Variants in STAC observed in about 807,000 individuals in gnomAD.
The protein encoded by STAC is SH3 and cysteine rich domain.
STAC carries 43 observed loss-of-function variants against 48.8 expected under a neutral mutation model. The ratio of observed to expected loss-of-function variants is 0.88; its 90% CI spans 0.69 to 1.14. The LOEUF (loss-of-function observed/expected upper bound fraction) is 1.14. Among genes scored for constraint, STAC ranks in the 50% most tolerant of loss-of-function variants. The pLI, the probability that STAC is intolerant of heterozygous loss-of-function variation, is 0.00. For synonymous variants in STAC, 193 were observed against 179.5 expected, an observed-to-expected ratio of 1.07 and a Z score of -0.60; for missense variants, 497 against 504.0, an observed-to-expected ratio of 0.99 and a Z score of 0.13.
At chr3:36,392,259 T>C (rs759044688) in intron 1 of STAC, among the ~76,000 whole-genome samples, 5 of 152,200 alleles carry the variant, frequency 3.3e-5, no homozygotes, top group Non-Finnish European at 5.9e-5. Context: ...CTCTCTAGAA[T>C]TCACTTTTTA....
intron 1 of STAC, among the ~76,000 whole-genome samples, chr3:36,438,724 C>T (rs530236372): frequency 7.4e-4 from 112 of 152,268 alleles, no homozygotes; most frequent in Non-Finnish European, 1.4e-3. Context: ...CATACTTGAA[C>T]ATCATACATA....
In STAC at chr3:36,380,708, C is replaced by T. The variant is rs141572890; in HGVS notation, c.65C>T (p.Ala22Val). ...VDGLPKEAVG[A>V]EQPPSPASTS... ...GGGCTGCCCAAGGAGGCGGTGGGCG[C>T]CGAGCAACCGCCCTCTCCTGCATCC... The change falls in exon 1 of 11, where the codon GCC becomes GTC. Residue 22 changes from alanine to valine, a missense_variant. By Grantham distance (64) the Ala-to-Val change is moderately conservative. Coordinates refer to ENST00000273183, the MANE Select transcript of STAC (RefSeq NM_003149.3). 1 of 1,611,680 alleles carries T rather than the reference C, an allele frequency of 6.2e-7. No homozygotes were observed. The highest frequency in any genetic ancestry group is 8.5e-7 in the Non-Finnish European group (1 of 1,179,272).
In STAC at chr3:36,547,345, G is replaced by C. The variant is rs779580206; in HGVS notation, c.*1056G>C. On this transcript the variant is annotated 3_prime_UTR_variant, in exon 11 of 11. Coordinates refer to ENST00000273183, the MANE Select transcript of STAC (RefSeq NM_003149.3). ...TCCATTCTTCTTTAGGGCAGTATAT[G>C]AAATCCTAGCAGATGTAAAATGGAA... 1.3e-5 allele frequency: 2 copies of C among 152,610 alleles called. No homozygotes were observed. Among genetic ancestry groups the C allele is most frequent in the South Asian group, 4.1e-4 (2 of 4,838 alleles). The allele number at this position is 152,610 out of a possible 1,614,324, so 9.5% of individuals were successfully genotyped here.
At chr3:36,386,901 C>A (rs1699627812) in intron 1 of STAC, among the ~76,000 whole-genome samples, 1 of 152,070 alleles carries the variant, frequency 6.6e-6, no homozygotes, top group African/African-American at 2.4e-5. Flanking sequence ...ATCACCTGAT[C>A]AATTTGCACA....
At chr3:36,394,998 G>A (rs1429364053) in intron 1 of STAC, among the ~76,000 whole-genome samples, 1 of 150,040 alleles carries the variant, frequency 6.7e-6, no homozygotes, top group East Asian at 1.9e-4. Flanking sequence ...ACTTTTAAAA[G>A]GTTAATAGGA....
intron 2 of STAC, among the ~76,000 whole-genome samples, chr3:36,463,135 G>T (rs1431002572): frequency 2.0e-5 from 3 of 152,094 alleles, no homozygotes; most frequent in Non-Finnish European, 4.4e-5. Context: ...TTTGCTTCGA[G>T]AAATTTTGGT....
At chr3:36,430,633 T>A (rs1700678863) in intron 1 of STAC, among the ~76,000 whole-genome samples, 1 of 152,244 alleles carries the variant, frequency 6.6e-6, no homozygotes. Context: ...AGGGCTTTTA[T>A]GGAGCACTAT....
intron 8 of STAC, among the ~76,000 whole-genome samples, chr3:36,524,570 C>T (rs1013742202): frequency 4.0e-5 from 6 of 151,460 alleles, no homozygotes; most frequent in African/African-American, 7.3e-5. Flanking sequence ...CCAGCCTGGG[C>T]GACAGAGTGA....
At chr3:36,522,892 C>T (rs1698839978) in intron 8 of STAC, among the ~76,000 whole-genome samples, 1 of 152,164 alleles carries the variant, frequency 6.6e-6, no homozygotes, top group Admixed American at 6.5e-5. Flanking sequence ...CAAGACCCCA[C>T]CCTGGAAGAT....
At chr3:36,478,648 C>T (rs1050303153) in intron 2 of STAC, among the ~76,000 whole-genome samples, 2 of 152,122 alleles carry the variant, frequency 1.3e-5, no homozygotes, top group African/African-American at 2.4e-5. Flanking sequence ...GCACACGTAA[C>T]GATGCCCGGC....
chr3:36,480,787 A>C (rs938462521), intron 2 of STAC, among the ~76,000 whole-genome samples: 13 of 152,180 alleles, frequency 8.5e-5, no homozygotes, highest in Non-Finnish European at 1.5e-4. Flanking sequence ...GAATTATCTC[A>C]AACCAGCCAC....
chr3:36,510,574 T>C (rs1043404920), intron 8 of STAC, among the ~76,000 whole-genome samples: 4 of 152,144 alleles, frequency 2.6e-5, no homozygotes, highest in African/African-American at 4.8e-5. Flanking sequence ...CCATCAATGA[T>C]AGATTGGATA....
intron 2 of STAC, among the ~76,000 whole-genome samples, chr3:36,458,848 C>G (rs530146810): frequency 3.1e-4 from 47 of 152,300 alleles, no homozygotes; most frequent in Non-Finnish European, 5.6e-4. Context: ...GCCAGGACAT[C>G]TCAGAAATTT....
chr3:36,508,876 C>A (rs1041656226), intron 8 of STAC, among the ~76,000 whole-genome samples: 1 of 152,104 alleles, frequency 6.6e-6, no homozygotes, highest in African/African-American at 2.4e-5. Flanking sequence ...ATCCAATTTG[C>A]CAGTCTGCAA....
intron 10 of STAC, among the ~76,000 whole-genome samples, chr3:36,545,532 T>A (rs746207052): frequency 2.6e-4 from 40 of 152,188 alleles, no homozygotes; most frequent in Non-Finnish European, 4.7e-4. Flanking sequence ...CAACAATAGT[T>A]CTGTTCATAA....
intron 2 of STAC, among the ~76,000 whole-genome samples, chr3:36,477,806 G>A (rs1355966278): frequency 5.9e-5 from 9 of 152,094 alleles, no homozygotes; most frequent in East Asian, 5.8e-4. Context: ...CAAATGCCCC[G>A]GGAAGAACTG....
intron 1 of STAC, among the ~76,000 whole-genome samples, chr3:36,439,951 C>T (rs559056409): frequency 1.3e-5 from 2 of 152,348 alleles, no homozygotes; most frequent in African/African-American, 2.4e-5. Context: ...CTTCTTCCCC[C>T]TTCTTTGACA....
intron 2 of STAC, among the ~76,000 whole-genome samples, chr3:36,470,230 C>T (rs1193183605): frequency 1.3e-5 from 2 of 152,348 alleles, no homozygotes; most frequent in Non-Finnish European, 2.9e-5. Context: ...TCAAGGGCTG[C>T]TGTGAGATTC....
chr3:36,408,930 T>C (rs901585526), intron 1 of STAC, among the ~76,000 whole-genome samples: 4 of 152,202 alleles, frequency 2.6e-5, no homozygotes, highest in Admixed American at 2.6e-4. Flanking sequence ...TATCAATTTT[T>C]AATTGTGATA....
Sources: gnomAD v4.1 joint callset for allele counts (sites outside exome capture counted in the v4.1 genomes callset) on GRCh38, gnomAD v4.1.1 for gene constraint, MANE v1.5 for transcripts, NCBI Gene and HGNC (gene_info 2026-07-23, HGNC 2026-07-21) for gene names.